Variants in FGF12 observed in about 807,000 individuals in gnomAD.
The protein encoded by FGF12 is fibroblast growth factor 12B.
In FGF12, 14 loss-of-function variants were observed where a neutral mutation model predicts 23.6. The ratio of observed to expected loss-of-function variants is 0.59; its 90% confidence interval spans 0.39 to 0.93. The LOEUF is 0.93. Among genes scored for constraint, FGF12 ranks in the 40% least tolerant of loss-of-function variants. The probability of loss-of-function intolerance (pLI) is 0.00; values close to 1 mark genes in which losing one functional copy is unlikely to be tolerated. For missense variants in FGF12, 175 were observed against 217.8 expected (o/e 0.80, Z 1.24); for synonymous variants, 62 against 77.3 (o/e 0.80, Z 1.04).
intron 2 of FGF12, among the ~76,000 whole-genome samples, chr3:192,685,584 G>C (rs1017084211): frequency 5.9e-5 from 9 of 152,058 alleles, no homozygotes; most frequent in African/African-American, 2.2e-4. Flanking sequence ...GAGAGTAGTG[G>C]GGGCACATCA....
chr3:192,562,471 G>T (rs1409509716), intron 2 of FGF12, among the ~76,000 whole-genome samples: 2 of 151,738 alleles, frequency 1.3e-5, no homozygotes, highest in East Asian at 3.9e-4. Context: ...AAACATGAAG[G>T]GATTTCTTCA....
intron 4 of FGF12, among the ~76,000 whole-genome samples, chr3:192,295,616 T>A (rs1021405807): frequency 6.6e-6 from 1 of 152,218 alleles, no homozygotes; most frequent in African/African-American, 2.4e-5. Flanking sequence ...GGAATCCTAA[T>A]GAAATGTTTC....
intron 4 of FGF12, among the ~76,000 whole-genome samples, chr3:192,308,449 G>A (rs995712680): frequency 2.6e-5 from 4 of 152,162 alleles, no homozygotes; most frequent in East Asian, 3.9e-4. Flanking sequence ...AGGCCGAGGC[G>A]GGCAGATCAC....
intron 2 of FGF12, among the ~76,000 whole-genome samples, chr3:192,724,031 G>C (rs116196833): frequency 0.016 from 2,301 of 139,952 alleles, 66 homozygotes; most frequent in African/African-American, 0.061. Flanking sequence ...AAAAGGGAGG[G>C]AGAAAGGGAG....
intron 2 of FGF12, among the ~76,000 whole-genome samples, chr3:192,575,541 A>G (rs569467378): frequency 1.3e-5 from 2 of 152,286 alleles, no homozygotes; most frequent in African/African-American, 4.8e-5. Flanking sequence ...GAGGAGGAGG[A>G]GGAGGAAAGT....
intron 3 of FGF12, among the ~76,000 whole-genome samples, chr3:192,343,937 C>T (rs370701351): frequency 4.6e-5 from 7 of 152,192 alleles, no homozygotes; most frequent in Admixed American, 2.0e-4. Context: ...TGTAACTTGC[C>T]GTATTCTTTT....
At chr3:192,593,545 A>T (rs983642931) in intron 2 of FGF12, among the ~76,000 whole-genome samples, 1 of 152,002 alleles carries the variant, frequency 6.6e-6, no homozygotes, top group African/African-American at 2.4e-5. Context: ...ACAGATACTC[A>T]ATAAATGTTT....
chr3:192,458,005 T>G (rs1722732802), intron 2 of FGF12, among the ~76,000 whole-genome samples: 2 of 152,330 alleles, frequency 1.3e-5, no homozygotes, highest in Non-Finnish European at 1.5e-5. Flanking sequence ...GGCTGTGGCT[T>G]CAGAGGGTGG....
chr3:192,147,345 T>C (rs1418577300), intron 5 of FGF12, among the ~76,000 whole-genome samples: 2 of 152,108 alleles, frequency 1.3e-5, no homozygotes, highest in East Asian at 1.9e-4. Flanking sequence ...CATAATCCAA[T>C]TAGAAAGCAA....
chr3:192,707,603 G>T (rs1245392440), intron 2 of FGF12, among the ~76,000 whole-genome samples: 1 of 151,928 alleles, frequency 6.6e-6, no homozygotes, highest in Non-Finnish European at 1.5e-5. Flanking sequence ...AAAATTAGCT[G>T]GGTGTGGTGG....
At chr3:192,382,845 C>T (rs1332735956) in intron 2 of FGF12, among the ~76,000 whole-genome samples, 1 of 152,024 alleles carries the variant, frequency 6.6e-6, no homozygotes, top group Admixed American at 6.6e-5. Context: ...AATGGCAAGT[C>T]ATTGAAAAGT....
intron 2 of FGF12, among the ~76,000 whole-genome samples, chr3:192,378,119 TTG>T (rs1719651470): frequency 1.9e-5 from 1 of 53,308 alleles, no homozygotes; most frequent in African/African-American, 7.8e-5. Context: ...CTTTCTCTCT[TTG>T]TTTTTTTTTC....
intron 4 of FGF12, among the ~76,000 whole-genome samples, chr3:192,269,888 T>A (rs1318066803): frequency 6.6e-6 from 1 of 152,186 alleles, no homozygotes; most frequent in Non-Finnish European, 1.5e-5. Context: ...ATTTCTGAGT[T>A]TAATAAATGG....
intron 2 of FGF12, among the ~76,000 whole-genome samples, chr3:192,658,128 T>C (rs1363725553): frequency 6.6e-6 from 1 of 152,234 alleles, no homozygotes; most frequent in Non-Finnish European, 1.5e-5. Flanking sequence ...CAGTGATTCT[T>C]GAAAAATCAC....
intron 2 of FGF12, among the ~76,000 whole-genome samples, chr3:192,548,252 T>A (rs1577047830): frequency 6.6e-6 from 1 of 152,136 alleles, no homozygotes; most frequent in Non-Finnish European, 1.5e-5. Flanking sequence ...ATAGATAACA[T>A]TAAGCAACTT....
In FGF12 at chr3:192,142,233, G is replaced by A. The variant is rs1713435886; in HGVS notation, c.*1776C>T. ...TGCTAACCTCTAGATAACAGAAATA[G>A]GATACCTGGTGAAGGATATGGTCCA... On this transcript the variant is annotated 3_prime_UTR_variant, in exon 6 of 6. Transcript: ENST00000445105. 6.6e-6 allele frequency: 1 copy of A among 152,454 alleles called. No homozygotes were observed. The highest frequency in any genetic ancestry group is 1.5e-5 in the Non-Finnish European group (1 of 67,926). 9.4% of individuals were successfully genotyped at this position (152,454 alleles called of 1,614,324 possible). A position where few individuals can be genotyped will look rare whatever the true frequency, so the allele number is the denominator to read the frequency against.
rs949663128 is a variant in FGF12, at chr3:192,408,322, A to G, written c.14-47784T>C. On this transcript the variant is annotated intron_variant, in intron 2 of 5. Transcript: ENST00000445105. This position sits in a 1 kb window ranked among gnomAD's most constrained non-coding sequence, Gnocchi z 7.3. ...GGACCTGGGCGGCCAGGGAAAGGGC[A>G]GTCGCGGGGAGGCAGTGCTAAAATT... is the stretch of plus-strand genomic sequence containing the variant. 90 of 1,438,676 alleles carry G rather than the reference A, an allele frequency of 6.3e-5. No homozygotes were observed. In the African/African-American group the frequency reaches 1.2e-3, roughly 19 times the overall value. The allele number at this position is 1,438,676 out of a possible 1,614,324, so 89.1% of individuals were successfully genotyped here. A position where few individuals can be genotyped will look rare whatever the true frequency, so the allele number is the denominator to read the frequency against.
chr3:192,420,390 A>T (rs1721487762), intron 2 of FGF12, among the ~76,000 whole-genome samples: 1 of 152,150 alleles, frequency 6.6e-6, no homozygotes, highest in Non-Finnish European at 1.5e-5. Context: ...TGGAGACTCA[A>T]TGATGTAGTT....
chr3:192,579,566 A>G (rs1468212011), intron 2 of FGF12, among the ~76,000 whole-genome samples: 1 of 152,132 alleles, frequency 6.6e-6, no homozygotes, highest in Non-Finnish European at 1.5e-5. Context: ...TATTATCATT[A>G]TTATTGAGAC....
Sources: allele counts gnomAD v4.1 joint callset (sites outside exome capture counted in the v4.1 genomes callset), GRCh38; gene constraint gnomAD v4.1.1; non-coding constraint Gnocchi (gnomAD v3.1); transcripts MANE v1.5; gene names NCBI Gene and HGNC (gene_info 2026-07-23, HGNC 2026-07-21).